CAPN1: variants seen among roughly 807,000 people sequenced by gnomAD.
CAPN1 encodes calpain-1 catalytic subunit.
In CAPN1, 77 loss-of-function variants were observed where a neutral mutation model predicts 105.2. The ratio of observed to expected loss-of-function variants is 0.73; its 90% CI spans 0.61 to 0.88. The LOEUF (loss-of-function observed/expected upper bound fraction) is 0.88, where lower values mean the gene tolerates loss of function less well. Among genes scored for constraint, CAPN1 ranks in the 40% least tolerant of loss-of-function variants. The pLI, the probability that CAPN1 is intolerant of heterozygous loss-of-function variation, is 0.00. For missense variants in CAPN1, 833 were observed against 976.6 expected, an observed-to-expected ratio of 0.85 and a Z score of 1.96; for synonymous variants, 355 against 388.8, an observed-to-expected ratio of 0.91 and a Z score of 1.02.
rs559185559 is a variant in CAPN1, at chr11:65,196,414, G to A, written c.1165+7668G>A. 5.9e-5 allele frequency among the ~76,000 whole-genome samples: 9 copies of A among 151,812 alleles called. No individual in the cohort carries two copies. In the South Asian group the frequency reaches 1.2e-3, roughly 21 times the overall value. ...GGGGTACATGTGATATTTTGATAAC[G>A]TATACAATGTGTAATGATCAAATCA... is the stretch of plus-strand genomic sequence containing the variant. On this transcript the variant is annotated intron_variant, in intron 10 of 21. Transcript: ENST00000279247.
At position 65,209,266 on chromosome 11, in the gene CAPN1, A is replaced by ACT; in HGVS notation, c.1730-57_1730-56insCT. 7.0e-7 allele frequency: 1 copy of ACT among 1,426,452 alleles called. No homozygotes were observed. Among genetic ancestry groups the ACT allele is most frequent in the South Asian group, 1.2e-5 (1 of 84,834 alleles). The allele number at this position is 1,426,452 out of a possible 1,614,324, so 88.4% of individuals were successfully genotyped here. ...CTCTGCCCCACCCAGTGCTCCCAGC[A>ACT]GGGGCAGGTGCAGGAAGCTCACTAG... On this transcript the variant is annotated intron_variant, in intron 16 of 21. Transcript: ENST00000279247. The surrounding 1 kb of genome is among the most constrained non-coding windows in gnomAD (Gnocchi z 4.1).
chr11:65,186,067 G>T lies in CAPN1; in HGVS notation c.590+17G>T, dbSNP rs756704921. On this transcript the variant is annotated intron_variant, in intron 5 of 21. Coordinates refer to ENST00000279247, the MANE Select transcript of CAPN1 (RefSeq NM_005186.4). ...CTATGCCAAGTGAGTAGCGGCTGAGGGGGCAACTCCAGCTTCCAGCTCCCC... is the reference window on the plus strand; with the variant it reads ...CTATGCCAAGTGAGTAGCGGCTGAGTGGGCAACTCCAGCTTCCAGCTCCCC... The T allele has an allele frequency of 6.2e-7, 1 of 1,610,432 alleles. No homozygotes were observed. Among genetic ancestry groups the T allele is most frequent in the Non-Finnish European group, 8.5e-7 (1 of 1,178,264 alleles).
chr11:65,202,422 TTTTA>T (rs202170018), intron 10 of CAPN1, among the ~76,000 whole-genome samples: 319 of 152,056 alleles, frequency 2.1e-3, no homozygotes, highest in African/African-American at 6.9e-3. Context: ...TATATTACGA[TTTTA>T]TTTATTTATT....
At position 65,188,721 on chromosome 11, in the gene CAPN1, C is replaced by T. The variant is rs372268910; in HGVS notation, c.1140C>T (p.Thr380=). 185 of 1,588,242 alleles carry T rather than the reference C, an allele frequency of 1.2e-4. No homozygotes were observed. In the African/African-American group the frequency reaches 1.6e-3, roughly 14 times the overall value. ...LYEGTWRRGS[T]AGGCRNYPAT... is the part of the protein sequence containing the mutation. The stretch of plus-strand genomic sequence containing the variant: ...AAGGCACCTGGCGGCGGGGGAGCAC[C>T]GCGGGGGGCTGCCGAAACTACCCAG... Residue 380 remains threonine, a synonymous_variant, in exon 10 of 22, where the codon ACC becomes ACT. Transcript: ENST00000279247. The surrounding 1 kb of genome is among the most constrained non-coding windows in gnomAD (Gnocchi z 5.5).
chr11:65,205,756 C>T (rs1461928153), intron 12 of CAPN1, 35 bp downstream of exon 12: 1 of 1,607,314 alleles, frequency 6.2e-7, no homozygotes. Flanking sequence ...TGCAGTCACA[C>T]ACCCCTGATG....
Position 65,210,324 on chromosome 11 carries a change from C to G in CAPN1, c.1943-12C>G. 2 of 1,591,558 alleles carry G rather than the reference C, an allele frequency of 1.3e-6. No individual in the cohort carries two copies. Among genetic ancestry groups the G allele is most frequent in the Non-Finnish European group, 1.7e-6 (2 of 1,161,786 alleles). On this transcript the variant is annotated splice_polypyrimidine_tract_variant and intron_variant, in intron 19 of 21. Coordinates refer to ENST00000279247, the MANE Select transcript of CAPN1 (RefSeq NM_005186.4). This position sits in a 1 kb window ranked among gnomAD's most constrained non-coding sequence, Gnocchi z 4.3. ...TGCGCCTCACTGACCTTCACTCACTCTCCTGGACCAGGCTTCAAGCTCAAC... is the reference window on the plus strand; with the variant it reads ...TGCGCCTCACTGACCTTCACTCACTGTCCTGGACCAGGCTTCAAGCTCAAC...
rs1162206534 is a variant in CAPN1, at chr11:65,210,760, C to T, written c.2060-54C>T. 6.6e-5 allele frequency: 95 copies of T among 1,443,166 alleles called. No individual in the cohort carries two copies. The highest frequency in any genetic ancestry group is 1.7e-4 in the Middle Eastern group (1 of 5,768). The allele number at this position is 1,443,166 out of a possible 1,614,324, so 89.4% of individuals were successfully genotyped here. A position where few individuals can be genotyped will look rare whatever the true frequency, so the allele number is the denominator to read the frequency against. On this transcript the variant is annotated intron_variant, in intron 20 of 21. Coordinates refer to ENST00000279247, the MANE Select transcript of CAPN1 (RefSeq NM_005186.4). This position sits in a 1 kb window ranked among gnomAD's most constrained non-coding sequence, Gnocchi z 4.3. ...AGGAAGGGGGCCAGGCCTGGCCCTG[C>T]GTGAATATCCCACTGAGTTTTCAGC...
At chr11:65,202,896 C>T (rs1471227558) in intron 10 of CAPN1, among the ~76,000 whole-genome samples, 2 of 152,158 alleles carry the variant, frequency 1.3e-5, no homozygotes, top group Admixed American at 6.5e-5. Flanking sequence ...ACTCCCCAGC[C>T]CTCCCAGCAG....
chr11:65,189,626 A>T (rs145627673), intron 10 of CAPN1, among the ~76,000 whole-genome samples: 1 of 152,248 alleles, frequency 6.6e-6, no homozygotes, highest in East Asian at 1.9e-4. Context: ...CCTAGGTTAG[A>T]GCTATCATTT....
intron 10 of CAPN1, among the ~76,000 whole-genome samples, chr11:65,193,702 T>C (rs1948752051): frequency 6.6e-6 from 1 of 151,184 alleles, no homozygotes; most frequent in South Asian, 2.1e-4. Flanking sequence ...ATAGTATTTC[T>C]TTTTCTTTTA....
chr11:65,211,473 C>T lies in CAPN1; in HGVS notation c.*187C>T. ...ATCTGCTCCGGGCAGAACTGTGTGGCCCCTGCCTGTGCCAGCCATGGGCTC... is the reference window on the plus strand; with the variant it reads ...ATCTGCTCCGGGCAGAACTGTGTGGTCCCTGCCTGTGCCAGCCATGGGCTC... On this transcript the variant is annotated 3_prime_UTR_variant, in exon 22 of 22. Coordinates refer to ENST00000279247, the MANE Select transcript of CAPN1 (RefSeq NM_005186.4). 1.6e-6 allele frequency: 1 copy of T among 628,112 alleles called. No individual in the cohort carries two copies. Among genetic ancestry groups the T allele is most frequent in the East Asian group, 2.8e-5 (1 of 35,928 alleles). The allele number at this position is 628,112 out of a possible 1,614,324, so 38.9% of individuals were successfully genotyped here.
chr11:65,207,043 G>A (rs1014416973), intron 14 of CAPN1, among the ~76,000 whole-genome samples: 3 of 152,120 alleles, frequency 2.0e-5, no homozygotes, highest in Admixed American at 6.6e-5. Context: ...ACCCGGTGGC[G>A]GGTTTGTGCT....
chr11:65,205,831 T>C, intron 12 of CAPN1, 110 bp downstream of exon 12: 1 of 980,578 alleles, frequency 1.0e-6, no homozygotes, highest in South Asian at 1.3e-5. Flanking sequence ...AGTCACCTTG[T>C]TTCACTGCTT....
Position 65,210,070 on chromosome 11 carries a change from A to C in CAPN1, c.1916A>C (p.Glu639Ala). 1 of 1,612,676 alleles carries C rather than the reference A, an allele frequency of 6.2e-7. No individual in the cohort carries two copies. Among genetic ancestry groups the C allele is most frequent in the Non-Finnish European group, 8.5e-7 (1 of 1,179,752 alleles). Reference protein sequence around the residue: ...LDKSGSMSAYEMRMAIESAGF... With the variant: ...LDKSGSMSAYAMRMAIESAGF... Reference sequence around the variant, plus strand: ...AAGTCGGGCAGCATGAGTGCCTACGAGATGCGGATGGCCATTGAGTCGGCA... The same window carrying C: ...AAGTCGGGCAGCATGAGTGCCTACGCGATGCGGATGGCCATTGAGTCGGCA... The change falls in exon 19 of 22, where the codon GAG (glutamate) becomes GCG (alanine). Residue 639 changes from glutamate to alanine, a missense_variant. Transcript: ENST00000279247. This position sits in a 1 kb window ranked among gnomAD's most constrained non-coding sequence, Gnocchi z 4.3.
intron 12 of CAPN1, 149 bp from the exon 13 acceptor site, chr11:65,206,314 G>T (rs1948956063): frequency 3.1e-6 from 2 of 638,664 alleles, no homozygotes; most frequent in Non-Finnish European, 5.5e-6. Context: ...AAAATGTCTT[G>T]TTAGGGTCAC....
At position 65,208,097 on chromosome 11, in the gene CAPN1, C is replaced by G. The variant is rs1040182170; in HGVS notation, c.1648C>G (p.Leu550Val). Residue 550 changes from leucine to valine, a missense_variant, in exon 15 of 22, where the codon CTC (leucine) becomes GTC (valine). Physicochemically the swap from Leu to Val is conservative, Grantham distance 32. Coordinates refer to ENST00000279247, the MANE Select transcript of CAPN1 (RefSeq NM_005186.4). The surrounding 1 kb of genome is among the most constrained non-coding windows in gnomAD (Gnocchi z 4.1). ...GGAGATTGACGAGAACTTCAAGGCC[C>G]TCTTCAGGCAGCTGGCAGGGGAGGT... is the stretch of plus-strand genomic sequence containing the variant. ...EEEIDENFKA[L>V]FRQLAGEDME... 1 of 1,607,848 alleles carries G rather than the reference C, an allele frequency of 6.2e-7. No individual in the cohort carries two copies. Among genetic ancestry groups the G allele is most frequent in the African/African-American group, 1.3e-5 (1 of 74,956 alleles).
At position 65,209,972 on chromosome 11, in the gene CAPN1, G is replaced by GC; in HGVS notation, c.1864-46_1864-45insC. 2 of 1,612,134 alleles carry GC rather than the reference G, an allele frequency of 1.2e-6. No homozygotes were observed. Among genetic ancestry groups the GC allele is most frequent in the South Asian group, 1.1e-5 (1 of 91,052 alleles). On this transcript the variant is annotated intron_variant, in intron 18 of 21. Coordinates refer to ENST00000279247, the MANE Select transcript of CAPN1 (RefSeq NM_005186.4). The surrounding 1 kb of genome is among the most constrained non-coding windows in gnomAD (Gnocchi z 4.1). ...CAGGTGCGGGCCGGGCAGGTGGGAA[G>GC]GGCCGGGTGACTCAGCCTGGCCCTC...
chr11:65,189,805 T>G (rs566369926), intron 10 of CAPN1, among the ~76,000 whole-genome samples: 1 of 152,338 alleles, frequency 6.6e-6, no homozygotes, highest in South Asian at 2.1e-4. Context: ...CAAATGAGCA[T>G]TTTCCATAAT....
rs199559271 is a variant in CAPN1 at position 65,182,970 on chromosome 11, T to C, written c.267+2T>C. On this transcript the variant is annotated splice_donor_variant, in intron 2 of 21. Transcript: ENST00000279247. LOFTEE classifies it high-confidence loss of function. ...GGCATCAAGTGGAAGCGTCCCACGG[T>C]GAGAGGGGCCATCCTGGGTGGGACT... 4.7e-5 allele frequency: 76 copies of C among 1,613,172 alleles called. No homozygotes were observed. In the African/African-American group the frequency reaches 8.8e-4, roughly 19 times the overall value.
Sources: allele counts gnomAD v4.1 joint callset (sites outside exome capture counted in the v4.1 genomes callset), GRCh38; gene constraint gnomAD v4.1.1; non-coding constraint Gnocchi (gnomAD v3.1); transcripts MANE v1.5; gene names NCBI Gene and HGNC (gene_info 2026-07-23, HGNC 2026-07-21).